IRS2: variants seen among roughly 807,000 people sequenced by gnomAD.
IRS2 encodes the protein insulin receptor substrate 2.
Under a neutral mutation model 70.9 loss-of-function variants are expected in IRS2, and 28 were observed. That is an observed-to-expected ratio of 0.39 (90% CI 0.29 to 0.54). IRS2 has a LOEUF of 0.54. Ranked by LOEUF, IRS2 falls within the 20% of genes least tolerant of loss-of-function variation. IRS2 has a pLI of 0.59. For missense variants in IRS2, 2,081 were observed against 2,024.1 expected (o/e 1.03, Z -0.54); for synonymous variants, 1,217 against 981.9 (o/e 1.24, Z -4.48).
At chr13:109,762,112 G>C (rs541415012) in intron 1 of IRS2, among the ~76,000 whole-genome samples, 1 of 152,120 alleles carries the variant, frequency 6.6e-6, no homozygotes, top group Non-Finnish European at 1.5e-5. Flanking sequence ...TACAGTGCAC[G>C]GCTACAGCAG....
Position 109,782,494 on chromosome 13 carries a change from T to A in IRS2, c.3560A>T (p.Glu1187Val), listed in dbSNP as rs1391798155. 6.4e-7 allele frequency: 1 copy of A among 1,552,956 alleles called. No homozygotes were observed. Among genetic ancestry groups the A allele is most frequent in the Non-Finnish European group, 8.7e-7 (1 of 1,149,236 alleles). Residue 1187 changes from glutamate to valine, a missense_variant, in exon 1 of 2, where the codon GAG becomes GTG. By Grantham distance (121) the Glu-to-Val change is moderately radical. Coordinates refer to ENST00000375856, the MANE Select transcript of IRS2 (RefSeq NM_003749.3). ...VENVSLRKSS[E>V]GGVGVGPGGG... ...TCCAGGGCCGACACCCACGCCGCCCTCGCTGCTTTTCCTGAGAGAGACATT... is the reference window on the plus strand; with the variant it reads ...TCCAGGGCCGACACCCACGCCGCCCACGCTGCTTTTCCTGAGAGAGACATT...
chr13:109,768,752 A>T (rs1034208945), intron 1 of IRS2, among the ~76,000 whole-genome samples: 6 of 152,020 alleles, frequency 3.9e-5, no homozygotes, highest in Non-Finnish European at 8.8e-5. Flanking sequence ...TTACCAGAAG[A>T]TACAGAATCA....
At chr13:109,769,462 G>A (rs9587982) in intron 1 of IRS2, among the ~76,000 whole-genome samples, 4,735 of 152,132 alleles carry the variant, frequency 0.031, 228 homozygotes, top group African/African-American at 0.11. Flanking sequence ...GGAACATACC[G>A]GGCAACCTGC....
chr13:109,758,842 AAAAAG>A (rs1303011415), intron 1 of IRS2, among the ~76,000 whole-genome samples: 2 of 151,384 alleles, frequency 1.3e-5, no homozygotes, highest in African/African-American at 4.9e-5. Context: ...AAAAAAAAAA[AAAAAG>A]AAGGAAAGGG....
In IRS2 at chr13:109,784,826, C is replaced by A; in HGVS notation, c.1228G>T (p.Gly410Cys). The change falls in exon 1 of 2, where the codon GGC (glycine) becomes TGC (cysteine). Residue 410 changes from glycine to cysteine, a missense_variant. Transcript: ENST00000375856. The surrounding 1 kb of genome is among the most constrained non-coding windows in gnomAD (Gnocchi z 5.2). ...AGCGCCACCTTGCTCCCGCGGCCGC[C>A]GCAGCCGCCGCTCAGGGTGTGCGAG... Reference protein sequence around the residue: ...SRSHTLSGGCGGRGSKVALLP... With the variant: ...SRSHTLSGGCCGRGSKVALLP... 8.0e-7 allele frequency: 1 copy of A among 1,257,122 alleles called. No individual in the cohort carries two copies. The highest frequency in any genetic ancestry group is 2.2e-5 in the South Asian group (1 of 45,808). The allele number at this position is 1,257,122 out of a possible 1,614,324, so 77.9% of individuals were successfully genotyped here. A position where few individuals can be genotyped will look rare whatever the true frequency, so the allele number is the denominator to read the frequency against.
intron 1 of IRS2, among the ~76,000 whole-genome samples, chr13:109,762,197 G>A (rs1877241760): frequency 1.3e-5 from 2 of 152,232 alleles, no homozygotes; most frequent in African/African-American, 4.8e-5. Flanking sequence ...CATGAAGTGA[G>A]CTATTCGTCT....
chr13:109,775,281 G>T (rs1272570935), intron 1 of IRS2, among the ~76,000 whole-genome samples: 1 of 151,830 alleles, frequency 6.6e-6, no homozygotes, highest in Non-Finnish European at 1.5e-5. Context: ...ACCATGGCTG[G>T]CTAATTTTTG....
Position 109,783,491 on chromosome 13 carries a change from C to T in IRS2, c.2563G>A (p.Gly855Arg). Residue 855 changes from glycine (G) to arginine (R), a missense_variant, in exon 1 of 2, where the codon GGG (glycine) becomes AGG (arginine). Gly to Arg is a moderately radical substitution (Grantham distance 125). This residue lies in a region of IRS2 where 1,615 missense variants were observed against 1,459.5 expected (regional missense o/e 1.11). Coordinates refer to ENST00000375856, the MANE Select transcript of IRS2 (RefSeq NM_003749.3). ...PGPSQAASAF[G>R]AGPTQPPHPV... ...TGAGGGGGCTGCGTGGGGCCGGCCC[C>T]GAAGGCGCTGGCCGCCTGGCTGGGC... The T allele has an allele frequency of 1.3e-6, 2 of 1,545,114 alleles. No individual in the cohort carries two copies. The highest frequency in any genetic ancestry group is 1.7e-6 in the Non-Finnish European group (2 of 1,145,878).
Position 109,773,172 on chromosome 13 carries a change from T to G in IRS2, c.4012+8870A>C, listed in dbSNP as rs564279840. Among the ~76,000 whole-genome samples, 90 of 152,166 alleles carry G rather than the reference T, an allele frequency of 5.9e-4. 3 individuals are homozygous for G. In the South Asian group the frequency reaches 0.018, roughly 30 times the overall value. ...CATATAAAAATCCAGCTAAATGATT[T>G]TTTTCCTGAGAATTAAAAAAAAAGA... On this transcript the variant is annotated intron_variant, in intron 1 of 1. Coordinates refer to ENST00000375856, the MANE Select transcript of IRS2 (RefSeq NM_003749.3).
At chr13:109,781,885 A>C (rs115491155) in intron 1 of IRS2, among the ~76,000 whole-genome samples, 157 bp downstream of exon 1, 1 of 152,350 alleles carries the variant, frequency 6.6e-6, no homozygotes, top group African/African-American at 2.4e-5. Flanking sequence ...AAGGAAGAGA[A>C]CAGGGCAGCC....
At chr13:109,782,004 T>C (rs1434298826) in intron 1 of IRS2, 38 bp downstream of exon 1, 5 of 1,606,154 alleles carry the variant, frequency 3.1e-6, no homozygotes, top group Non-Finnish European at 4.2e-6. Flanking sequence ...GCCCCGCCCC[T>C]CCTTCCCGCC....
rs1165891062 is a variant in IRS2 at position 109,785,845 on chromosome 13, G to A, written c.209C>T (p.Pro70Leu). 6.5e-7 allele frequency: 1 copy of A among 1,529,908 alleles called. No homozygotes were observed. Among genetic ancestry groups the A allele is most frequent in the Non-Finnish European group, 8.7e-7 (1 of 1,144,164 alleles). The allele number at this position is 1,529,908 out of a possible 1,614,324, so 94.8% of individuals were successfully genotyped here. The change falls in exon 1 of 2, where the codon CCG becomes CTG. Residue 70 changes from proline to leucine, a missense_variant. Pro to Leu is a moderately conservative substitution (Grantham distance 98). Transcript: ENST00000375856. The surrounding 1 kb of genome is among the most constrained non-coding windows in gnomAD (Gnocchi z 9.3). The part of the protein sequence containing the change: ...ATAGGGSAPQ[P>L]PRLEYYESEK... ...GCTCTCGTAGTACTCGAGCCGCGGC[G>A]GTTGCGGCGCCGACCCCCCGCCCGC...
rs2138936449 is a variant in IRS2, at chr13:109,784,647, C to T, written c.1407G>A (p.Leu469=). ...YPPPPGPHPP[L]PHPLHHGPGQ... ...CGGGGCCGTGGTGCAGCGGATGCGG[C>T]AGAGGCGGGTGCGGGCCGGGCGGCG... The change falls in exon 1 of 2, where the codon CTG becomes CTA. Residue 469 remains leucine, a synonymous_variant. Coordinates refer to ENST00000375856, the MANE Select transcript of IRS2 (RefSeq NM_003749.3). The surrounding 1 kb of genome is among the most constrained non-coding windows in gnomAD (Gnocchi z 5.2). The T allele has an allele frequency of 7.9e-7, 1 of 1,269,860 alleles. No individual in the cohort carries two copies. Among genetic ancestry groups the T allele is most frequent in the South Asian group, 2.9e-5 (1 of 34,586 alleles). The allele number at this position is 1,269,860 out of a possible 1,614,324, so 78.7% of individuals were successfully genotyped here.
chr13:109,758,468 T>C (rs1211975356), intron 1 of IRS2, among the ~76,000 whole-genome samples: 2 of 152,250 alleles, frequency 1.3e-5, no homozygotes, highest in African/African-American at 2.4e-5. Flanking sequence ...CTTTGTCATA[T>C]AAATGGCGGG....
At chr13:109,778,937 T>C (rs746927315) in intron 1 of IRS2, among the ~76,000 whole-genome samples, 40 of 152,200 alleles carry the variant, frequency 2.6e-4, no homozygotes, top group Non-Finnish European at 5.4e-4. Context: ...GGAAATTCAG[T>C]AGCGTCTTTC....
intron 1 of IRS2, among the ~76,000 whole-genome samples, chr13:109,772,246 CG>C (rs1485562574): frequency 2.0e-5 from 3 of 152,144 alleles, no homozygotes; most frequent in African/African-American, 7.2e-5. Context: ...TAGCACGGAG[CG>C]GTGCAGGTAG....
chr13:109,762,197 GCTATTCGT>G (rs1479534480), intron 1 of IRS2, among the ~76,000 whole-genome samples: 2 of 152,232 alleles, frequency 1.3e-5, no homozygotes, highest in African/African-American at 4.8e-5. Context: ...CATGAAGTGA[GCTATTCGT>G]CTATGGCAAG....
rs1335862806 is a variant in IRS2 at position 109,783,857 on chromosome 13, C to A, written c.2197G>T (p.Ala733Ser). Residue 733 changes from alanine (A) to serine (S), a missense_variant, in exon 1 of 2, where the codon GCC becomes TCC. This residue lies in a region of IRS2 where 1,615 missense variants were observed against 1,459.5 expected (regional missense o/e 1.11). Transcript: ENST00000375856. ...SGGGYKASSPAESSPEDSGYM... is the reference protein window; with the variant it reads ...SGGGYKASSPSESSPEDSGYM... ...CCACTGTCCTCGGGGGAGCTCTCGG[C>A]GGGCGAGCTGGCCTTGTAGCCGCCC... 8 of 1,558,200 alleles carry A rather than the reference C, an allele frequency of 5.1e-6. No individual in the cohort carries two copies. The highest frequency in any genetic ancestry group is 1.7e-4 in the Middle Eastern group (1 of 5,926).
rs1877858227 is a variant in IRS2 at position 109,784,707 on chromosome 13, C to T, written c.1347G>A (p.Ser449=). ...AGCCCGAGCCGTGGCCGCTGCTGGA[C>T]GACAGGGAGCCGGGGCTGGTGGCGG... ...PPAATSPGSL[S]SSSGHGSGSY... is the part of the protein sequence containing the mutation. The change falls in exon 1 of 2, where the codon TCG becomes TCA. Residue 449 remains serine, a synonymous_variant. Coordinates refer to ENST00000375856, the MANE Select transcript of IRS2 (RefSeq NM_003749.3). This position sits in a 1 kb window ranked among gnomAD's most constrained non-coding sequence, Gnocchi z 5.2. 2 of 1,231,508 alleles carry T rather than the reference C, an allele frequency of 1.6e-6. No individual in the cohort carries two copies. The highest frequency in any genetic ancestry group is 6.6e-5 in the East Asian group (2 of 30,378). The allele number at this position is 1,231,508 out of a possible 1,614,324, so 76.3% of individuals were successfully genotyped here.
Sources: gnomAD v4.1 joint callset for allele counts (sites outside exome capture counted in the v4.1 genomes callset) on GRCh38, gnomAD v4.1.1 for gene constraint, gnomAD v4.1.1 regional missense constraint, Gnocchi (gnomAD v3.1) non-coding constraint, MANE v1.5 for transcripts, NCBI Gene and HGNC (gene_info 2026-07-23, HGNC 2026-07-21) for gene names.